Variants in ANXA6 observed in about 807,000 individuals in gnomAD.
ANXA6 encodes annexin A6, also known as 67 kDa calelectrin.
Under a neutral mutation model 95.4 loss-of-function variants are expected in ANXA6, and 71 were observed. That is an observed-to-expected ratio of 0.74 (90% CI 0.61 to 0.91). The LOEUF is 0.91. ANXA6 is among the 40% of genes least tolerant of loss of function. The pLI is 0.00. For missense variants in ANXA6, 830 were observed against 876.4 expected (o/e 0.95, Z 0.67); for synonymous variants, 289 against 315.9 (o/e 0.91, Z 0.90).
chr5:151,130,346 G>A (rs1205514264), intron 11 of ANXA6, among the ~76,000 whole-genome samples: 1 of 151,790 alleles, frequency 6.6e-6, no homozygotes, highest in Non-Finnish European at 1.5e-5. Flanking sequence ...GGGGCCCTGT[G>A]CTCAAGAAAT....
At chr5:151,104,418 G>C (rs538984074) in intron 24 of ANXA6, among the ~76,000 whole-genome samples, 2 of 152,200 alleles carry the variant, frequency 1.3e-5, no homozygotes, top group Non-Finnish European at 2.9e-5. Context: ...AGCTAGGTTC[G>C]AGTCCCAGCT....
chr5:151,131,012 A>G (rs1765496267), intron 11 of ANXA6, among the ~76,000 whole-genome samples: 1 of 152,310 alleles, frequency 6.6e-6, no homozygotes, highest in Non-Finnish European at 1.5e-5. Context: ...CCCTAAGTTC[A>G]TCTGTTGACT....
intron 20 of ANXA6, among the ~76,000 whole-genome samples, chr5:151,116,837 T>G (rs1007198261): frequency 1.3e-5 from 2 of 152,216 alleles, no homozygotes; most frequent in African/African-American, 4.8e-5. Context: ...AGAAGTCATT[T>G]GCCCTTTCTG....
Position 151,105,397 on chromosome 5 carries a change from C to A in ANXA6, c.1781-94G>T. 4.6e-6 allele frequency: 5 copies of A among 1,097,680 alleles called. No homozygotes were observed. The South Asian group carries it at 6.4e-5, about 14-fold the overall frequency. 68.0% of individuals were successfully genotyped at this position (1,097,680 alleles called of 1,614,324 possible). A position where few individuals can be genotyped will look rare whatever the true frequency, so the allele number is the denominator to read the frequency against. On this transcript the variant is annotated intron_variant, in intron 23 of 25. Transcript: ENST00000354546. ...TCCCCCATCTCCCCACCTCGTCTAT[C>A]CCTGCATGGGTCTGCAGATCATTGT...
chr5:151,145,141 C>T (rs528378552), intron 2 of ANXA6, among the ~76,000 whole-genome samples: 9 of 152,334 alleles, frequency 5.9e-5, no homozygotes, highest in African/African-American at 1.9e-4. Context: ...TTCAGCAGGT[C>T]CTGGTGCCAG....
chr5:151,133,028 G>GAAAAGAAAAT (rs72404752), intron 9 of ANXA6, 66 bp downstream of exon 9: 1 of 1,162,836 alleles, frequency 8.6e-7, no homozygotes, highest in Non-Finnish European at 1.3e-6. Flanking sequence ...GAAAAGAAAA[G>GAAAAGAAAAT]AGATAAAGAA....
chr5:151,101,851 C>G (rs549537244), intron 25 of ANXA6, among the ~76,000 whole-genome samples: 1 of 152,336 alleles, frequency 6.6e-6, no homozygotes, highest in South Asian at 2.1e-4. Context: ...TGTGCACCCC[C>G]AATCCCATTT....
At chr5:151,132,367 CT>C in intron 10 of ANXA6, 108 bp downstream of exon 10, 1 of 856,344 alleles carries the variant, frequency 1.2e-6, no homozygotes, top group Non-Finnish European at 1.8e-6. Flanking sequence ...TGGTTTTCTC[CT>C]TCCCAATTCT....
chr5:151,148,051 A>C, intron 1 of ANXA6, 125 bp from the exon 2 acceptor site: 1 of 880,494 alleles, frequency 1.1e-6, no homozygotes, highest in Non-Finnish European at 1.8e-6. Context: ...ATCAGACCCA[A>C]TGACCCAGCT....
chr5:151,131,401 G>A, intron 10 of ANXA6, 112 bp from the exon 11 acceptor site: 1 of 1,101,932 alleles, frequency 9.1e-7, no homozygotes, highest in Non-Finnish European at 1.4e-6. Flanking sequence ...CTCAATACAG[G>A]AAGAACCACC....
rs550265835 is a variant in ANXA6, at chr5:151,117,856, G to A, written c.1439-19C>T. On this transcript the variant is annotated intron_variant, in intron 18 of 25. Coordinates refer to ENST00000354546, the MANE Select transcript of ANXA6 (RefSeq NM_001155.5). ...TGATAGTCTGAGGCAGAGAAAGGGGGTGTGGGTAGCTGCTGGCCAAGAAGG... is the reference window on the plus strand; with the variant it reads ...TGATAGTCTGAGGCAGAGAAAGGGGATGTGGGTAGCTGCTGGCCAAGAAGG... 1.2e-6 allele frequency: 2 copies of A among 1,606,146 alleles called. No individual in the cohort carries two copies. Among genetic ancestry groups the A allele is most frequent in the South Asian group, 1.1e-5 (1 of 90,790 alleles).
chr5:151,147,997 C>T (rs1310276213), intron 1 of ANXA6, 71 bp from the exon 2 acceptor site: 2 of 1,428,460 alleles, frequency 1.4e-6, no homozygotes, highest in African/African-American at 1.4e-5. Context: ...CCTTACATTT[C>T]CTCCCTCTGC....
chr5:151,148,592 T>C (rs1280891203), intron 1 of ANXA6, among the ~76,000 whole-genome samples: 1 of 152,214 alleles, frequency 6.6e-6, no homozygotes, highest in Non-Finnish European at 1.5e-5. Context: ...ATATGAGCAA[T>C]TTTTTAAATT....
At chr5:151,152,252 C>T (rs545054378) in intron 1 of ANXA6, among the ~76,000 whole-genome samples, 17 of 152,234 alleles carry the variant, frequency 1.1e-4, no homozygotes, top group Admixed American at 7.8e-4. Flanking sequence ...AATGAAGTAA[C>T]GGGGGGAAAA....
rs1048061945 is a variant in ANXA6, at chr5:151,133,207, A to C, written c.547-20T>G. Reference sequence around the variant, plus strand: ...TAGGTCCTGAAGGGGAAGAGGTGGCACTTGACTGAAAGAGGAAACCTCAGG... The same window carrying C: ...TAGGTCCTGAAGGGGAAGAGGTGGCCCTTGACTGAAAGAGGAAACCTCAGG... On this transcript the variant is annotated intron_variant, in intron 8 of 25. Coordinates refer to ENST00000354546, the MANE Select transcript of ANXA6 (RefSeq NM_001155.5). 1 of 1,542,372 alleles carries C rather than the reference A, an allele frequency of 6.5e-7. No homozygotes were observed. Among genetic ancestry groups the C allele is most frequent in the Non-Finnish European group, 8.8e-7 (1 of 1,135,686 alleles).
rs1458600785 is a variant in ANXA6 at position 151,101,508 on chromosome 5, C to T, written c.1963-1G>A. The T allele has an allele frequency of 1.9e-6, 3 of 1,558,972 alleles. No homozygotes were observed. Among genetic ancestry groups the T allele is most frequent in the African/African-American group, 2.7e-5 (2 of 73,296 alleles). On this transcript the variant is annotated splice_acceptor_variant, in intron 25 of 25. Transcript: ENST00000354546. LOFTEE classifies it high-confidence loss of function. ...TCAGGAAGTCTCCGGAGGTGTCACC[C>T]TGGCAGAGGCAGAGAGCAGAGTGAG...
At position 151,140,146 on chromosome 5, in the gene ANXA6, C is replaced by A. The variant is rs1374587799; in HGVS notation, c.109+7G>T. ...CCCCTCAAGCTCCCATGAAGCCTGG[C>A]ACCCACCAAAGCCCTTCATGGCAGT... On this transcript the variant is annotated splice_region_variant and intron_variant, in intron 3 of 25. Coordinates refer to ENST00000354546, the MANE Select transcript of ANXA6 (RefSeq NM_001155.5). 6.2e-7 allele frequency: 1 copy of A among 1,613,704 alleles called. No individual in the cohort carries two copies. Among genetic ancestry groups the A allele is most frequent in the East Asian group, 2.2e-5 (1 of 44,880 alleles).
chr5:151,154,834 T>C (rs1213626592), intron 1 of ANXA6: 2 of 152,210 alleles, frequency 1.3e-5, no homozygotes, highest in African/African-American at 4.8e-5. Flanking sequence ...TGGGTCACTT[T>C]TGTGAGAGGC....
chr5:151,114,241 A>G (rs192198744), intron 20 of ANXA6, among the ~76,000 whole-genome samples: 11 of 152,310 alleles, frequency 7.2e-5, no homozygotes. Context: ...TGAAGATACT[A>G]AAAACCACCA....
Sources: gnomAD v4.1 joint callset for allele counts (sites outside exome capture counted in the v4.1 genomes callset) on GRCh38, gnomAD v4.1.1 for gene constraint, MANE v1.5 for transcripts, NCBI Gene and HGNC (gene_info 2026-07-23, HGNC 2026-07-21) for gene names.